The following RPH3A variants were observed in gnomAD, a reference collection of about 807,000 sequenced individuals.
RPH3A encodes rabphilin 3A.
In RPH3A, 48 loss-of-function variants were observed where a neutral mutation model predicts 102.2. The ratio of observed to expected loss-of-function variants is 0.47; its 90% CI spans 0.37 to 0.60. The LOEUF (loss-of-function observed/expected upper bound fraction) is 0.60, where lower values mean the gene tolerates loss of function less well. RPH3A is among the 20% of genes least tolerant of loss of function. The probability of loss-of-function intolerance (pLI) is 0.00; values close to 1 mark genes in which losing one functional copy is unlikely to be tolerated. For synonymous variants in RPH3A, 310 were observed against 324.3 expected, an observed-to-expected ratio of 0.96 and a Z score of 0.47; for missense variants, 781 against 910.1, an observed-to-expected ratio of 0.86 and a Z score of 1.83.
At chr12:112,825,171 A>C (rs551602617) in intron 2 of RPH3A, among the ~76,000 whole-genome samples, 113 of 151,982 alleles carry the variant, frequency 7.4e-4, no homozygotes, top group African/African-American at 2.7e-3. Flanking sequence ...TTTTTCAGCA[A>C]ATTTCTTTCA....
intron 1 of RPH3A, among the ~76,000 whole-genome samples, chr12:112,701,839 A>G (rs1361159438): frequency 6.6e-6 from 1 of 152,250 alleles, no homozygotes; most frequent in Non-Finnish European, 1.5e-5. Flanking sequence ...GACAGTGTCC[A>G]ACCAGAAACT....
At chr12:112,699,263 C>T (rs1374229431) in intron 1 of RPH3A, among the ~76,000 whole-genome samples, 1 of 152,174 alleles carries the variant, frequency 6.6e-6, no homozygotes, top group Non-Finnish European at 1.5e-5. Flanking sequence ...TACTATATGA[C>T]CCAGCAGTCA....
intron 1 of RPH3A, among the ~76,000 whole-genome samples, chr12:112,673,357 G>C (rs893416822): frequency 6.6e-6 from 1 of 151,848 alleles, no homozygotes; most frequent in African/African-American, 2.4e-5. Flanking sequence ...TAGAGGTAGG[G>C]TCTTGCTCTG....
chr12:112,877,459 C>CACACACACACACACACA (rs1555219884), intron 13 of RPH3A, among the ~76,000 whole-genome samples: 6 of 146,378 alleles, frequency 4.1e-5, no homozygotes, highest in Admixed American at 2.7e-4. Flanking sequence ...CACACACACA[C>CACACACACACACACACA]CAGTGGCATT....
chr12:112,775,251 C>A (rs2040958209), intron 1 of RPH3A, among the ~76,000 whole-genome samples: 1 of 152,052 alleles, frequency 6.6e-6, no homozygotes. Context: ...TTGGAAAAAA[C>A]CACAGGCTAT....
At chr12:112,833,776 C>T (rs1427881451) in intron 3 of RPH3A, among the ~76,000 whole-genome samples, 1 of 151,480 alleles carries the variant, frequency 6.6e-6, no homozygotes, top group Non-Finnish European at 1.5e-5. Context: ...GTCACATAGG[C>T]CGGAGTGCAA....
chr12:112,739,498 A>G (rs2040693311), intron 1 of RPH3A, among the ~76,000 whole-genome samples: 1 of 152,206 alleles, frequency 6.6e-6, no homozygotes, highest in Admixed American at 6.5e-5. Context: ...AATGCCCAGA[A>G]TTTGAGAAGG....
intron 4 of RPH3A, among the ~76,000 whole-genome samples, chr12:112,846,079 G>A (rs1253739442): frequency 6.6e-6 from 1 of 152,212 alleles, no homozygotes; most frequent in African/African-American, 2.4e-5. Flanking sequence ...AATGAGGACA[G>A]AGGGGCAGGT....
At chr12:112,753,812 C>T (rs1475722423) in intron 1 of RPH3A, among the ~76,000 whole-genome samples, 1 of 152,142 alleles carries the variant, frequency 6.6e-6, no homozygotes, top group African/African-American at 2.4e-5. Flanking sequence ...TTTCTGGAAC[C>T]TGTGAATATA....
At chr12:112,816,121 G>A (rs918543803) in intron 2 of RPH3A, among the ~76,000 whole-genome samples, 5 of 152,168 alleles carry the variant, frequency 3.3e-5, no homozygotes, top group African/African-American at 1.2e-4. Flanking sequence ...TGCCTCCAGT[G>A]GAGTCATGTA....
chr12:112,728,173 A>G (rs2136046948), intron 1 of RPH3A, among the ~76,000 whole-genome samples: 1 of 152,224 alleles, frequency 6.6e-6, no homozygotes, highest in East Asian at 1.9e-4. Flanking sequence ...TTTTCCTTCT[A>G]TGCTGGGAAC....
At chr12:112,863,403 C>T (rs934554295) in intron 5 of RPH3A, among the ~76,000 whole-genome samples, 11 of 152,160 alleles carry the variant, frequency 7.2e-5, no homozygotes, top group African/African-American at 2.7e-4. Flanking sequence ...CTGCAACCTC[C>T]GCCTCCTGGG....
intron 1 of RPH3A, among the ~76,000 whole-genome samples, chr12:112,724,052 A>ATTTTT (rs146271090): frequency 1.7e-5 from 2 of 117,322 alleles, no homozygotes; most frequent in African/African-American, 6.4e-5. Context: ...AATTTTTTTG[A>ATTTTT]TTTTTTTTTT....
At chr12:112,838,140 A>C (rs1014420061) in intron 4 of RPH3A, among the ~76,000 whole-genome samples, 1 of 152,214 alleles carries the variant, frequency 6.6e-6, no homozygotes, top group African/African-American at 2.4e-5. Context: ...CTCAGACCTG[A>C]GGGTGATGAT....
At position 112,829,313 on chromosome 12, in the gene RPH3A, G is replaced by T. The variant is rs1280520094; in HGVS notation, c.71+924G>T. Reference sequence around the variant, plus strand: ...TCTTGAGACAGGGTCTTGCTCCTTTGCCCAGGCTGAAGCGTACTGGTGCAA... The same window carrying T: ...TCTTGAGACAGGGTCTTGCTCCTTTTCCCAGGCTGAAGCGTACTGGTGCAA... On this transcript the variant is annotated intron_variant, in intron 3 of 21. Transcript: ENST00000389385. Among the ~76,000 whole-genome samples, 9 of 145,346 alleles carry T rather than the reference G, an allele frequency of 6.2e-5. 1 individual carries two copies. Among genetic ancestry groups the T allele is most frequent in the African/African-American group, 2.3e-4 (9 of 39,180 alleles).
chr12:112,728,406 C>G (rs1451698680), intron 1 of RPH3A, among the ~76,000 whole-genome samples: 1 of 151,970 alleles, frequency 6.6e-6, no homozygotes, highest in Admixed American at 6.6e-5. Context: ...AGGACCATAA[C>G]CCTTATAATC....
At chr12:112,650,732 AT>A (rs750678648) in intron 1 of RPH3A, 2,023 of 142,088 alleles carry the variant, frequency 0.014, 11 homozygotes, top group African/African-American at 0.03. Flanking sequence ...TTGTTTACAC[AT>A]TTTTTTTTTT....
chr12:112,895,729 G>T (rs1371207588), intron 20 of RPH3A, 48 bp from the exon 21 acceptor site: 2 of 1,371,910 alleles, frequency 1.5e-6, no homozygotes, highest in African/African-American at 2.9e-5. Context: ...TCCCAATGCT[G>T]TGGGTTCAGA....
chr12:112,770,458 A>G (rs1471615226), intron 1 of RPH3A, among the ~76,000 whole-genome samples: 1 of 151,934 alleles, frequency 6.6e-6, no homozygotes, highest in Admixed American at 6.6e-5. Flanking sequence ...TGATCTTCCC[A>G]TCTCAGCCTC....
Sources: allele counts gnomAD v4.1 joint callset (sites outside exome capture counted in the v4.1 genomes callset), GRCh38; gene constraint gnomAD v4.1.1; transcripts MANE v1.5; gene names NCBI Gene and HGNC (gene_info 2026-07-23, HGNC 2026-07-21).